The following SEM1 variants were observed in gnomAD, a reference collection of about 807,000 sequenced individuals.
SEM1 encodes the protein SEM1 26S proteasome subunit.
In SEM1, 3 loss-of-function variants were observed where a neutral mutation model predicts 12.7. The observed-to-expected ratio is 0.24, with a 90% CI of 0.11 to 0.61. The LOEUF (loss-of-function observed/expected upper bound fraction) is 0.61, where lower values mean the gene tolerates loss of function less well. Among genes scored for constraint, SEM1 ranks in the 20% least tolerant of loss-of-function variants. The pLI, the probability that SEM1 is intolerant of heterozygous loss-of-function variation, is 0.88. For missense variants in SEM1, 59 were observed against 81.3 expected, an observed-to-expected ratio of 0.73 and a Z score of 1.06; for synonymous variants, 30 against 27.8, an observed-to-expected ratio of 1.08 and a Z score of -0.25.
intron 2 of SEM1, among the ~76,000 whole-genome samples, chr7:96,485,496 C>T (rs752220568): frequency 2.1e-4 from 32 of 151,538 alleles, no homozygotes; most frequent in Non-Finnish European, 3.8e-4. Flanking sequence ...TGCTTTGGGC[C>T]CACCTAAATA....
chr7:96,581,276 G>A (rs1414887869), intron 2 of SEM1, among the ~76,000 whole-genome samples: 4 of 152,144 alleles, frequency 2.6e-5, no homozygotes, highest in Non-Finnish European at 5.9e-5. Context: ...AGATCAGATA[G>A]TTGCAGATAT....
intron 2 of SEM1, among the ~76,000 whole-genome samples, chr7:96,605,701 T>G (rs1807330265): frequency 6.6e-6 from 1 of 152,340 alleles, no homozygotes; most frequent in African/African-American, 2.4e-5. Flanking sequence ...GAGTTCCTAC[T>G]GATACTTGGG....
At chr7:96,682,749 G>A (rs780599032) in intron 2 of SEM1, among the ~76,000 whole-genome samples, 23 of 151,882 alleles carry the variant, frequency 1.5e-4, no homozygotes, top group Non-Finnish European at 2.9e-4. Context: ...TACAGAATGG[G>A]AGAAAATGTT....
chr7:96,573,117 T>C (rs1358651824), intron 2 of SEM1, among the ~76,000 whole-genome samples: 1 of 152,020 alleles, frequency 6.6e-6, no homozygotes, highest in Non-Finnish European at 1.5e-5. Flanking sequence ...CTGTTTTTTT[T>C]TTTTTTTCTT....
At chr7:96,570,464 T>C (rs981630396) in intron 2 of SEM1, among the ~76,000 whole-genome samples, 1 of 152,020 alleles carries the variant, frequency 6.6e-6, no homozygotes, top group Non-Finnish European at 1.5e-5. Context: ...TCTGTTCCTG[T>C]GTTAGTTTGC....
At position 96,615,239 on chromosome 7, in the gene SEM1, A is replaced by ATTTTTTTTTTTTTT. The variant is rs1421596853; in HGVS notation, c.170+79558_170+79559insAAAAAAAAAAAAAA. ...GGACTGTTGGGTTATTTTTTGAGTC[A>ATTTTTTTTTTTTTT]TCTTTTTTTTTTTTTTTTTTTTTTT... On this transcript the variant is annotated intron_variant and NMD_transcript_variant, in intron 2 of 3. Coordinates refer to the SEM1 transcript ENST00000466986. Among the ~76,000 whole-genome samples, 41 of 98,068 alleles carry ATTTTTTTTTTTTTT rather than the reference A, an allele frequency of 4.2e-4. 4 individuals are homozygous for ATTTTTTTTTTTTTT. Among genetic ancestry groups the ATTTTTTTTTTTTTT allele is most frequent in the South Asian group, 7.0e-4 (2 of 2,866 alleles). 64.3% of individuals were successfully genotyped at this position (98,068 alleles called of 152,430 possible).
chr7:96,699,669 C>G (rs998902011), intron 1 of SEM1, among the ~76,000 whole-genome samples: 4 of 152,184 alleles, frequency 2.6e-5, no homozygotes, highest in Non-Finnish European at 5.9e-5. Flanking sequence ...AAGCCCTGTT[C>G]AAAGGTTGCT....
chr7:96,501,270 A>G (rs541658344), upstream of SEM1, among the ~76,000 whole-genome samples: 1 of 152,128 alleles, frequency 6.6e-6, no homozygotes, highest in African/African-American at 2.4e-5. Context: ...TGTTAAGTCC[A>G]CTTCTCTATA....
At chr7:96,516,001 T>G (rs1278785167) in intron 2 of SEM1, among the ~76,000 whole-genome samples, 1 of 152,038 alleles carries the variant, frequency 6.6e-6, no homozygotes, top group African/African-American at 2.4e-5. Flanking sequence ...GTTGTGCACA[T>G]GTACCCTAGA....
intron 2 of SEM1, among the ~76,000 whole-genome samples, chr7:96,599,200 T>C (rs1807110351): frequency 6.6e-6 from 1 of 152,140 alleles, no homozygotes; most frequent in African/African-American, 2.4e-5. Context: ...AGCATAGCAC[T>C]TGGTTTTGCC....
At chr7:96,622,496 T>A, downstream of SEM1, 1 of 662,454 alleles carries the variant, frequency 1.5e-6, no homozygotes, top group African/African-American at 1.8e-5. Context: ...TTCCTTTCTA[T>A]CTTCTGCCAA....
chr7:96,602,368 A>T (rs771720611), intron 2 of SEM1, among the ~76,000 whole-genome samples: 60 of 152,326 alleles, frequency 3.9e-4, no homozygotes, highest in Admixed American at 6.5e-5. Flanking sequence ...TCTGCATGGC[A>T]TCAGCAGCTG....
intron 2 of SEM1, among the ~76,000 whole-genome samples, chr7:96,522,492 T>C (rs906579494): frequency 5.3e-5 from 8 of 151,920 alleles, no homozygotes; most frequent in Non-Finnish European, 2.9e-5. Flanking sequence ...TAGTTCTACA[T>C]TGCACGATTA....
chr7:96,630,030 C>A (rs1260953445), intron 2 of SEM1, among the ~76,000 whole-genome samples: 1 of 152,224 alleles, frequency 6.6e-6, no homozygotes, highest in African/African-American at 2.4e-5. Flanking sequence ...AGTGGAGTGA[C>A]CCAAGCACCC....
intron 3 of SEM1, among the ~76,000 whole-genome samples, chr7:96,504,495 C>T (rs1006057140): frequency 2.6e-5 from 4 of 152,096 alleles, no homozygotes; most frequent in African/African-American, 9.7e-5. Context: ...AATTTGATTT[C>T]ATTTACATCT....
chr7:96,579,614 T>C (rs1806318941), intron 2 of SEM1, among the ~76,000 whole-genome samples: 2 of 152,184 alleles, frequency 1.3e-5, no homozygotes, highest in Admixed American at 1.3e-4. Flanking sequence ...CTGCCTCCAG[T>C]TGTGAAAATT....
intron 2 of SEM1, among the ~76,000 whole-genome samples, chr7:96,560,277 A>G (rs1805652782): frequency 6.6e-6 from 1 of 152,216 alleles, no homozygotes; most frequent in Non-Finnish European, 1.5e-5. Flanking sequence ...CAGAGTTTGC[A>G]CTAAAGTTGC....
chr7:96,601,673 C>G (rs941447602), intron 2 of SEM1, among the ~76,000 whole-genome samples: 1 of 152,018 alleles, frequency 6.6e-6, no homozygotes, highest in Non-Finnish European at 1.5e-5. Flanking sequence ...TTTACTGTCA[C>G]TGAGATTGGG....
chr7:96,623,927 A>G (rs1807974058), intron 2 of SEM1, among the ~76,000 whole-genome samples: 1 of 152,060 alleles, frequency 6.6e-6, no homozygotes, highest in African/African-American at 2.4e-5. Context: ...TGCCGCTGCC[A>G]AGGAACTTGC....
Sources: gnomAD v4.1 joint callset for allele counts (sites outside exome capture counted in the v4.1 genomes callset) on GRCh38, gnomAD v4.1.1 for gene constraint, MANE v1.5 for transcripts, NCBI Gene and HGNC (gene_info 2026-07-23, HGNC 2026-07-21) for gene names.